Variants in IL17RD observed in about 807,000 individuals in gnomAD.
The protein encoded by IL17RD is interleukin-17 receptor D.
In IL17RD, 52 loss-of-function variants were observed where a neutral mutation model predicts 80.5. The observed-to-expected ratio is 0.65, with a 90% CI of 0.52 to 0.81. The LOEUF is 0.81. Ranked by LOEUF, IL17RD falls within the 40% of genes least tolerant of loss-of-function variation. The pLI, the probability that IL17RD is intolerant of heterozygous loss-of-function variation, is 0.00. For synonymous variants in IL17RD, 416 were observed against 391.8 expected (o/e 1.06, Z -0.73); for missense variants, 1,024 against 955.1 (o/e 1.07, Z -0.95).
At chr3:57,141,498 G>C (rs544916348) in intron 1 of IL17RD, among the ~76,000 whole-genome samples, 1 of 152,194 alleles carries the variant, frequency 6.6e-6, no homozygotes, top group East Asian at 1.9e-4. Flanking sequence ...TGTATTGTTT[G>C]AATTAAAAAT....
At chr3:57,130,900 C>T (rs1707593584) in intron 1 of IL17RD, among the ~76,000 whole-genome samples, 2 of 152,166 alleles carry the variant, frequency 1.3e-5, no homozygotes, top group Admixed American at 6.5e-5. Context: ...TAACACTTAG[C>T]GCATCCTGCC....
At chr3:57,132,458 T>C (rs1337251557) in intron 1 of IL17RD, among the ~76,000 whole-genome samples, 1 of 152,062 alleles carries the variant, frequency 6.6e-6, no homozygotes, top group African/African-American at 2.4e-5. Flanking sequence ...AGACTCTGTC[T>C]CAAAAACAAC....
intron 1 of IL17RD, among the ~76,000 whole-genome samples, chr3:57,136,560 T>C (rs530778445): frequency 2.3e-3 from 337 of 147,280 alleles, no homozygotes; most frequent in Non-Finnish European, 3.7e-3. Flanking sequence ...AGGTTGAGGA[T>C]GCAGTGATTG....
At chr3:57,157,633 C>T (rs990911688) in intron 1 of IL17RD, among the ~76,000 whole-genome samples, 9 of 152,248 alleles carry the variant, frequency 5.9e-5, no homozygotes, top group African/African-American at 2.2e-4. Context: ...TCAACAGAGA[C>T]CACGCTCAGG....
chr3:57,154,347 C>A (rs1231704749), intron 1 of IL17RD, among the ~76,000 whole-genome samples: 15 of 151,176 alleles, frequency 9.9e-5, no homozygotes, highest in African/African-American at 3.7e-4. Context: ...ATATGCCTTT[C>A]CCTAAAACTC....
rs1328723253 is a variant in IL17RD, at chr3:57,127,368, AT to A, written c.127-7056del. ...TATATAAATATATATAAATATAAAT[AT>A]ATATATATAAATAAATAAATAAATA... On this transcript the variant is annotated intron_variant, in intron 1 of 12. Transcript: ENST00000296318. 4.6e-3 allele frequency among the ~76,000 whole-genome samples: 370 copies of A among 80,076 alleles called. 25 individuals are homozygous for A. Among genetic ancestry groups the A allele is most frequent in the African/African-American group, 0.019 (359 of 19,336 alleles). The allele number at this position is 80,076 out of a possible 152,430, so 52.5% of individuals were successfully genotyped here.
chr3:57,099,394 C>T (rs909526744), intron 11 of IL17RD, among the ~76,000 whole-genome samples: 2 of 152,206 alleles, frequency 1.3e-5, no homozygotes, highest in Non-Finnish European at 2.9e-5. Flanking sequence ...TTCACCTTCT[C>T]AGACCACTTT....
Position 57,165,219 on chromosome 3 carries a change from A to C in IL17RD, c.68T>G (p.Leu23Arg), listed in dbSNP as rs948312065. The change falls in exon 1 of 13, where the codon CTG (leucine) becomes CGG (arginine). Residue 23 changes from leucine (L) to arginine (R), a missense_variant. Coordinates refer to ENST00000296318, the MANE Select transcript of IL17RD (RefSeq NM_017563.5). ...GCCGGACCCGCCAGCGGCCACAGCC[A>C]GCTGCGAGCCGTTGAGGCAGGCGTT... ...TVNACLNGSQ[L>R]AVAAGGSGRA... 47 of 1,531,326 alleles carry C rather than the reference A, an allele frequency of 3.1e-5. No individual in the cohort carries two copies. Among genetic ancestry groups the C allele is most frequent in the Middle Eastern group, 1.7e-4 (1 of 5,798 alleles). 94.9% of individuals were successfully genotyped at this position (1,531,326 alleles called of 1,614,324 possible). A position where few individuals can be genotyped will look rare whatever the true frequency, so the allele number is the denominator to read the frequency against.
At chr3:57,121,855 A>C (rs1707346551) in intron 1 of IL17RD, among the ~76,000 whole-genome samples, 1 of 152,078 alleles carries the variant, frequency 6.6e-6, no homozygotes, top group Non-Finnish European at 1.5e-5. Context: ...CCCAAATCAC[A>C]CTGTTCTGTG....
intron 3 of IL17RD, among the ~76,000 whole-genome samples, chr3:57,111,011 C>T (rs1037638660): frequency 1.3e-5 from 2 of 152,226 alleles, no homozygotes; most frequent in Non-Finnish European, 2.9e-5. Flanking sequence ...CCCCACTGCA[C>T]GTCCGACTAG....
intron 1 of IL17RD, among the ~76,000 whole-genome samples, chr3:57,154,189 C>T (rs2060250959): frequency 6.6e-6 from 1 of 150,754 alleles, no homozygotes; most frequent in Non-Finnish European, 1.5e-5. Flanking sequence ...TTCAAGGCTG[C>T]AACGAGCTAT....
intron 1 of IL17RD, chr3:57,134,252 G>A: frequency 1.5e-6 from 1 of 686,566 alleles, no homozygotes. Flanking sequence ...ACTTCCATCA[G>A]CAGATCCAGA....
chr3:57,127,275 A>T lies in IL17RD; in HGVS notation c.127-6962T>A, dbSNP rs866779684. Reference sequence around the variant, plus strand: ...ATAAATATATATAAATATATATAAAAATATATATAAATATATATAAATATA... The same window carrying T: ...ATAAATATATATAAATATATATAAATATATATATAAATATATATAAATATA... On this transcript the variant is annotated intron_variant, in intron 1 of 12. Coordinates refer to ENST00000296318, the MANE Select transcript of IL17RD (RefSeq NM_017563.5). 6.2e-3 allele frequency among the ~76,000 whole-genome samples: 443 copies of T among 71,848 alleles called. 25 individuals carry two copies. Among genetic ancestry groups the T allele is most frequent in the African/African-American group, 0.026 (410 of 15,696 alleles). The allele number at this position is 71,848 out of a possible 152,430, so 47.1% of individuals were successfully genotyped here.
chr3:57,127,377 T>C lies in IL17RD; in HGVS notation c.127-7064A>G. 2.1e-5 allele frequency among the ~76,000 whole-genome samples: 2 copies of C among 94,310 alleles called. 1 individual carries two copies. The highest frequency in any genetic ancestry group is 3.1e-4 in the Admixed American group (2 of 6,362). 61.9% of individuals were successfully genotyped at this position (94,310 alleles called of 152,430 possible). On this transcript the variant is annotated intron_variant, in intron 1 of 12. Coordinates refer to ENST00000296318, the MANE Select transcript of IL17RD (RefSeq NM_017563.5). ...ATATATAAATATAAATATATATATATAAATAAATAAATAAATAAATATATA... is the reference window on the plus strand; with the variant it reads ...ATATATAAATATAAATATATATATACAAATAAATAAATAAATAAATATATA...
chr3:57,141,435 A>G (rs192733746), intron 1 of IL17RD, among the ~76,000 whole-genome samples: 1 of 152,276 alleles, frequency 6.6e-6, no homozygotes, highest in African/African-American at 2.4e-5. Flanking sequence ...TATTGTTAGC[A>G]GTTTTCATTT....
At chr3:57,164,837 C>A in intron 1 of IL17RD, 6 of 1,039,578 alleles carry the variant, frequency 5.8e-6, no homozygotes, top group Non-Finnish European at 7.2e-6. Flanking sequence ...AAGGAGGTCC[C>A]GGGCCAAGAA....
intron 2 of IL17RD, among the ~76,000 whole-genome samples, chr3:57,119,650 CCAGTTTCACA>C: frequency 6.6e-6 from 1 of 152,010 alleles, no homozygotes; most frequent in Middle Eastern, 3.4e-3. Context: ...CATCTGGAAC[CCAGTTTCACA>C]CAGATTCACC....
rs1403803464 is a variant in IL17RD at position 57,091,131 on chromosome 3, C to G, written c.*5262G>C. The G allele has an allele frequency of 1.3e-5, 2 of 152,568 alleles. No homozygotes were observed. Among genetic ancestry groups the G allele is most frequent in the East Asian group, 1.9e-4 (1 of 5,202 alleles). The allele number at this position is 152,568 out of a possible 1,614,324, so 9.5% of individuals were successfully genotyped here. A position where few individuals can be genotyped will look rare whatever the true frequency, so the allele number is the denominator to read the frequency against. On this transcript the variant is annotated 3_prime_UTR_variant, in exon 13 of 13. Transcript: ENST00000296318. ...TGCTGTTACCACACCAGTGGTTAAA[C>G]TGAAGTCTGTACCATTTAATATTGT...
At position 57,142,834 on chromosome 3, in the gene IL17RD, C is replaced by T. The variant is rs748021634; in HGVS notation, c.126+22327G>A. 8.7e-4 allele frequency among the ~76,000 whole-genome samples: 132 copies of T among 152,066 alleles called. 2 individuals carry two copies. The highest frequency in any genetic ancestry group is 9.3e-4 in the Non-Finnish European group (63 of 68,018). ...TTAAACTGGAATGTTTTGTCAACATCGCATCCCAGTTTTAACCTGGAAGCT... is the reference window on the plus strand; with the variant it reads ...TTAAACTGGAATGTTTTGTCAACATTGCATCCCAGTTTTAACCTGGAAGCT... On this transcript the variant is annotated intron_variant, in intron 1 of 12. Transcript: ENST00000296318.
Sources: gnomAD v4.1 joint callset for allele counts (sites outside exome capture counted in the v4.1 genomes callset) on GRCh38, gnomAD v4.1.1 for gene constraint, MANE v1.5 for transcripts, NCBI Gene and HGNC (gene_info 2026-07-23, HGNC 2026-07-21) for gene names.